LEPR: variants seen among roughly 807,000 people sequenced by gnomAD.
The protein encoded by LEPR is OB receptor.
LEPR carries 56 observed loss-of-function variants against 114.7 expected under a neutral mutation model. The ratio of observed to expected loss-of-function variants is 0.49; its 90% confidence interval spans 0.39 to 0.61. The LOEUF is 0.61. Among genes scored for constraint, LEPR ranks in the 20% least tolerant of loss-of-function variants. The pLI is 0.00. For missense variants in LEPR, 1,202 were observed against 1,352.9 expected (o/e 0.89, Z 1.75); for synonymous variants, 443 against 461.4 (o/e 0.96, Z 0.51).
At chr1:65,632,030 T>C (rs1570865292) in intron 19 of LEPR, among the ~76,000 whole-genome samples, 2 of 152,310 alleles carry the variant, frequency 1.3e-5, no homozygotes, top group South Asian at 4.1e-4. Context: ...CACAAGAGTT[T>C]ACTCCATTTA....
At chr1:65,598,854 A>C (rs764219647) in intron 8 of LEPR, 50 bp downstream of exon 8, 1 of 1,611,200 alleles carries the variant, frequency 6.2e-7, no homozygotes, top group African/African-American at 1.3e-5. Context: ...TATTTCCTGA[A>C]CTTGCCTTTG....
chr1:65,431,975 C>A, intron 2 of LEPR: 1 of 1,540,228 alleles, frequency 6.5e-7, no homozygotes, highest in Non-Finnish European at 8.7e-7. Flanking sequence ...TATCTGTATA[C>A]ATGTGCACAT....
rs148155161 is a variant in LEPR, at chr1:65,570,495, G to A, written c.63G>A (p.Ala21=). The change falls in exon 4 of 20, where the codon GCG becomes GCA. Residue 21 remains alanine (A), a synonymous_variant. Transcript: ENST00000349533. ...CAGAATTTATTTATGTGATAACTGC[G>A]TTTAACTTGTCATATCCAATTACTC... The part of the protein sequence containing the change: ...LHWEFIYVIT[A]FNLSYPITPW... 49 of 1,613,428 alleles carry A rather than the reference G, an allele frequency of 3.0e-5. No individual in the cohort carries two copies. The highest frequency in any genetic ancestry group is 1.6e-4 in the Middle Eastern group (1 of 6,078).
Position 65,638,008 on chromosome 1 carries a change from A to G in LEPR, c.*993A>G, listed in dbSNP as rs924458976. 2 of 152,216 alleles carry G rather than the reference A, an allele frequency of 1.3e-5. No homozygotes were observed. The highest frequency in any genetic ancestry group is 2.9e-5 in the Non-Finnish European group (2 of 68,046). The allele number at this position is 152,216 out of a possible 1,614,324, so 9.4% of individuals were successfully genotyped here. On this transcript the variant is annotated 3_prime_UTR_variant, in exon 20 of 20. Coordinates refer to ENST00000349533, the MANE Select transcript of LEPR (RefSeq NM_002303.6). ...ATGCTAATGATTATGTTTTTAACCT[A>G]TACCCTACATAGCCATCAATTTAAA...
intron 2 of LEPR, among the ~76,000 whole-genome samples, chr1:65,554,341 C>T (rs75326085): frequency 6.6e-6 from 1 of 152,092 alleles, no homozygotes. Flanking sequence ...ATGCTGTGTC[C>T]CAGGGAGATG....
At chr1:65,452,206 C>G (rs545621178) in intron 2 of LEPR, among the ~76,000 whole-genome samples, 2 of 152,184 alleles carry the variant, frequency 1.3e-5, no homozygotes, top group East Asian at 1.9e-4. Context: ...TCTAGATATA[C>G]AATCCTGTCG....
At chr1:65,525,962 G>A in intron 2 of LEPR, 1 of 794,636 alleles carries the variant, frequency 1.3e-6, no homozygotes, top group Non-Finnish European at 1.5e-6. Flanking sequence ...CAGCTTAGCG[G>A]GACCACCAGA....
At chr1:65,549,222 C>G (rs937250038) in intron 2 of LEPR, among the ~76,000 whole-genome samples, 1 of 151,608 alleles carries the variant, frequency 6.6e-6, no homozygotes, top group Non-Finnish European at 1.5e-5. Flanking sequence ...CCCGACCTTT[C>G]TCTCTGGCTG....
At chr1:65,582,717 T>C (rs566868552) in intron 5 of LEPR, among the ~76,000 whole-genome samples, 5 of 152,318 alleles carry the variant, frequency 3.3e-5, no homozygotes, top group Non-Finnish European at 7.3e-5. Flanking sequence ...AACCCTTTGT[T>C]ACGTGTTCTG....
intron 14 of LEPR, among the ~76,000 whole-genome samples, chr1:65,614,455 A>C (rs1205832496): frequency 1.3e-5 from 2 of 152,224 alleles, no homozygotes; most frequent in African/African-American, 2.4e-5. Context: ...TTGGAACTTG[A>C]GTGGAGTTGT....
chr1:65,463,442 G>T (rs1297479117), intron 2 of LEPR, among the ~76,000 whole-genome samples: 4 of 152,178 alleles, frequency 2.6e-5, no homozygotes, highest in African/African-American at 9.7e-5. Flanking sequence ...AGTATAGTTT[G>T]AAGTCAGATA....
intron 2 of LEPR, among the ~76,000 whole-genome samples, chr1:65,528,009 T>A (rs969810086): frequency 6.6e-6 from 1 of 152,162 alleles, no homozygotes; most frequent in Admixed American, 6.5e-5. Flanking sequence ...GCTCTGTTCC[T>A]CCTTTGTAAT....
At chr1:65,635,779 A>T (rs1658697616) in intron 19 of LEPR, among the ~76,000 whole-genome samples, 1 of 152,194 alleles carries the variant, frequency 6.6e-6, no homozygotes, top group Admixed American at 6.5e-5. Flanking sequence ...ATTTGCTACA[A>T]AATATTAGGA....
At chr1:65,498,171 T>C (rs1176265373) in intron 2 of LEPR, among the ~76,000 whole-genome samples, 1 of 152,134 alleles carries the variant, frequency 6.6e-6, no homozygotes, top group African/African-American at 2.4e-5. Context: ...CCCCCATCAT[T>C]ATGGCGGTCT....
At chr1:65,507,496 TGTGTATATATATATACATATATA>T (rs1648805379) in intron 2 of LEPR, among the ~76,000 whole-genome samples, 1 of 140,340 alleles carries the variant, frequency 7.1e-6, no homozygotes, top group Admixed American at 7.2e-5. Context: ...TATATATGTG[TGTGTATATATATATACATATATA>T]TGTGTATATA....
intron 17 of LEPR, among the ~76,000 whole-genome samples, chr1:65,620,754 T>G (rs1354947438): frequency 6.6e-6 from 1 of 152,224 alleles, no homozygotes. Context: ...AACATCATTT[T>G]GTTCAAGGTA....
chr1:65,462,508 T>C (rs1044576085), intron 2 of LEPR, among the ~76,000 whole-genome samples: 5 of 152,262 alleles, frequency 3.3e-5, no homozygotes, highest in South Asian at 2.1e-4. Context: ...CCTTTGGGTA[T>C]ATACCCAGTA....
In LEPR at chr1:65,613,759, C is replaced by CAA. The variant is rs754145031; in HGVS notation, c.1996-2227_1996-2226dup. ...TGGGCAACAGAGCGAGACTCCGTCT[C>CAA]AAAAAAAAAAAAAAAAAAAAAAACC... On this transcript the variant is annotated intron_variant, in intron 14 of 19. Transcript: ENST00000349533. Among the ~76,000 whole-genome samples, 164 of 30,812 alleles carry CAA rather than the reference C, an allele frequency of 5.3e-3. 1 individual carries two copies. The highest frequency in any genetic ancestry group is 7.5e-3 in the Non-Finnish European group (119 of 15,914). The allele number at this position is 30,812 out of a possible 152,430, so 20.2% of individuals were successfully genotyped here.
chr1:65,452,781 A>C (rs1043656082), intron 2 of LEPR, among the ~76,000 whole-genome samples: 2 of 152,072 alleles, frequency 1.3e-5, no homozygotes, highest in South Asian at 2.1e-4. Context: ...TATCAGGATG[A>C]TGCTGGCCTC....
Sources: allele counts gnomAD v4.1 joint callset (sites outside exome capture counted in the v4.1 genomes callset), GRCh38; gene constraint gnomAD v4.1.1; transcripts MANE v1.5; gene names NCBI Gene and HGNC (gene_info 2026-07-23, HGNC 2026-07-21).